DPP10: variants seen among roughly 807,000 people sequenced by gnomAD.
The protein encoded by DPP10 is dipeptidyl peptidase like 10.
A neutral mutation model predicts 120.9 loss-of-function variants in DPP10; 33 were observed. That is an observed-to-expected ratio of 0.27 (90% confidence interval 0.21 to 0.37). The LOEUF is 0.37. DPP10 is among the 10% of genes least tolerant of loss of function. The pLI, the probability that DPP10 is intolerant of heterozygous loss-of-function variation, is 1.00. For synonymous variants in DPP10, 337 were observed against 326.1 expected, an observed-to-expected ratio of 1.03 and a Z score of -0.36; for missense variants, 816 against 942.8, an observed-to-expected ratio of 0.87 and a Z score of 1.76.
At chr2:115,371,953 G>T (rs899757402) in intron 3 of DPP10, among the ~76,000 whole-genome samples, 1 of 152,080 alleles carries the variant, frequency 6.6e-6, no homozygotes, top group Non-Finnish European at 1.5e-5. Flanking sequence ...TAGAGTGAGT[G>T]TTCATCTGAG....
chr2:114,525,527 A>G (rs373818391), intron 1 of DPP10, among the ~76,000 whole-genome samples: 1 of 152,200 alleles, frequency 6.6e-6, no homozygotes. Context: ...CAACCACTCT[A>G]TAAGATATAT....
At chr2:115,751,833 C>T (rs1333022637) in intron 10 of DPP10, among the ~76,000 whole-genome samples, 1 of 148,296 alleles carries the variant, frequency 6.7e-6, no homozygotes, top group Non-Finnish European at 1.5e-5. Flanking sequence ...GAGTCTTGCT[C>T]TGTCGCCCAG....
intron 1 of DPP10, among the ~76,000 whole-genome samples, chr2:115,069,103 G>A (rs1707158722): frequency 6.6e-6 from 1 of 151,912 alleles, no homozygotes; most frequent in African/African-American, 2.4e-5. Context: ...AATACCATTG[G>A]ATTTTTATGG....
intron 1 of DPP10, among the ~76,000 whole-genome samples, chr2:114,876,944 T>C (rs1438823790): frequency 6.6e-6 from 1 of 151,948 alleles, no homozygotes; most frequent in Non-Finnish European, 1.5e-5. Flanking sequence ...AGTCTCTCTC[T>C]TGACTTGTCA....
At chr2:115,528,718 G>A (rs997298600) in intron 5 of DPP10, among the ~76,000 whole-genome samples, 1 of 151,828 alleles carries the variant, frequency 6.6e-6, no homozygotes, top group African/African-American at 2.4e-5. Flanking sequence ...ACAGAAACAT[G>A]GATAAATCTT....
chr2:115,720,741 T>G (rs951244021), intron 7 of DPP10, among the ~76,000 whole-genome samples: 8 of 152,120 alleles, frequency 5.3e-5, no homozygotes, highest in Non-Finnish European at 8.8e-5. Flanking sequence ...TTACATCAAA[T>G]TAAAAGACAA....
intron 1 of DPP10, among the ~76,000 whole-genome samples, chr2:114,798,428 G>T (rs1162856187): frequency 1.3e-5 from 2 of 152,102 alleles, no homozygotes; most frequent in African/African-American, 2.4e-5. Context: ...TATTAGAGAA[G>T]AAGAATAAGA....
At chr2:114,683,504 TCCTTCCCTCTC>T (rs200571063) in intron 1 of DPP10, among the ~76,000 whole-genome samples, 1,808 of 149,890 alleles carry the variant, frequency 0.012, 12 homozygotes, top group Middle Eastern at 0.027. Context: ...CCCTTCCCTT[TCCTTCCCTCTC>T]CCTTCCCTCT....
At chr2:114,700,754 C>T (rs895131708) in intron 1 of DPP10, among the ~76,000 whole-genome samples, 1 of 152,066 alleles carries the variant, frequency 6.6e-6, no homozygotes, top group African/African-American at 2.4e-5. Flanking sequence ...AACAGCAGAT[C>T]CAGCTCTTTT....
intron 1 of DPP10, among the ~76,000 whole-genome samples, chr2:114,977,218 G>T (rs2104829924): frequency 6.6e-6 from 1 of 152,016 alleles, no homozygotes; most frequent in South Asian, 2.1e-4. Flanking sequence ...TATTTTGTGT[G>T]TTGTGATCCT....
intron 1 of DPP10, among the ~76,000 whole-genome samples, chr2:114,871,296 A>G (rs1690670571): frequency 6.6e-6 from 1 of 152,216 alleles, no homozygotes; most frequent in Admixed American, 6.5e-5. Flanking sequence ...TGAAAAATTT[A>G]CAAAGAAAAT....
At chr2:115,470,484 T>G (rs2074636162) in intron 3 of DPP10, among the ~76,000 whole-genome samples, 1 of 152,152 alleles carries the variant, frequency 6.6e-6, no homozygotes, top group Non-Finnish European at 1.5e-5. Context: ...AGCATAAACA[T>G]GCCTCTCTCA....
chr2:114,729,646 G>A (rs1313741349), intron 1 of DPP10, among the ~76,000 whole-genome samples: 3 of 152,220 alleles, frequency 2.0e-5, no homozygotes, highest in Non-Finnish European at 4.4e-5. Flanking sequence ...TTGAGAGTGA[G>A]GTCCAGAAAT....
At chr2:114,939,793 G>C (rs2104558195) in intron 1 of DPP10, among the ~76,000 whole-genome samples, 1 of 152,204 alleles carries the variant, frequency 6.6e-6, no homozygotes, top group South Asian at 2.1e-4. Context: ...CTGCTTAGAG[G>C]GTGGCTGTGG....
At chr2:115,817,521 A>G (rs1406868650) in intron 21 of DPP10, among the ~76,000 whole-genome samples, 1 of 152,222 alleles carries the variant, frequency 6.6e-6, no homozygotes, top group Non-Finnish European at 1.5e-5. Context: ...TCTCCACTTC[A>G]AACATCTGCA....
At chr2:115,506,740 A>G (rs1003733632) in intron 4 of DPP10, among the ~76,000 whole-genome samples, 2 of 152,102 alleles carry the variant, frequency 1.3e-5, no homozygotes, top group African/African-American at 4.8e-5. Context: ...GCAGATATTG[A>G]TCTATCTATA....
At chr2:114,697,704 C>G (rs538069483) in intron 1 of DPP10, among the ~76,000 whole-genome samples, 1 of 146,272 alleles carries the variant, frequency 6.8e-6, no homozygotes, top group Admixed American at 7.1e-5. Flanking sequence ...GAGCTGAGAT[C>G]GCGCAACTGC....
chr2:114,592,423 T>C (rs1395260854), intron 1 of DPP10, among the ~76,000 whole-genome samples: 2 of 152,154 alleles, frequency 1.3e-5, no homozygotes, highest in East Asian at 3.8e-4. Flanking sequence ...AACTTTGATA[T>C]TTAGGTGATG....
intron 1 of DPP10, among the ~76,000 whole-genome samples, chr2:115,048,555 G>T (rs1442495180): frequency 6.6e-6 from 1 of 152,044 alleles, no homozygotes; most frequent in Non-Finnish European, 1.5e-5. Flanking sequence ...TCATGATAAA[G>T]TCCAAGCTAA....
Sources: gnomAD v4.1 joint callset for allele counts (sites outside exome capture counted in the v4.1 genomes callset) on GRCh38, gnomAD v4.1.1 for gene constraint, MANE v1.5 for transcripts, NCBI Gene and HGNC (gene_info 2026-07-23, HGNC 2026-07-21) for gene names.